Variants in PBX3 observed in about 807,000 individuals in gnomAD.
PBX3 encodes pre-B-cell leukemia transcription factor 3.
PBX3 carries 14 observed loss-of-function variants against 48.5 expected under a neutral mutation model. The observed-to-expected ratio is 0.29, with a 90% CI of 0.19 to 0.45. The LOEUF is 0.45. Ranked by LOEUF, PBX3 falls within the 20% of genes least tolerant of loss-of-function variation. The probability of loss-of-function intolerance (pLI) is 1.00; values close to 1 mark genes in which losing one functional copy is unlikely to be tolerated. For synonymous variants in PBX3, 210 were observed against 200.3 expected (o/e 1.05, Z -0.41); for missense variants, 386 against 546.7 (o/e 0.71, Z 2.93).
At chr9:125,883,798 A>G (rs1019463179) in intron 2 of PBX3, among the ~76,000 whole-genome samples, 2 of 152,232 alleles carry the variant, frequency 1.3e-5, no homozygotes, top group Non-Finnish European at 2.9e-5. Context: ...AACAGCATTT[A>G]TAGTACTAAT....
intron 2 of PBX3, among the ~76,000 whole-genome samples, chr9:125,806,954 C>A (rs542281451): frequency 6.6e-6 from 1 of 152,188 alleles, no homozygotes; most frequent in Non-Finnish European, 1.5e-5. Context: ...AAGACAGACT[C>A]CTAGGGGACA....
At chr9:125,895,945 T>C (rs532164912) in intron 2 of PBX3, among the ~76,000 whole-genome samples, 2 of 152,132 alleles carry the variant, frequency 1.3e-5, no homozygotes, top group African/African-American at 2.4e-5. Flanking sequence ...TGGACACATA[T>C]CATTTTCCTC....
intron 2 of PBX3, among the ~76,000 whole-genome samples, chr9:125,854,090 A>G (rs1378247589): frequency 3.3e-5 from 5 of 152,070 alleles, no homozygotes; most frequent in African/African-American, 1.2e-4. Flanking sequence ...GCTTTGCACC[A>G]ATATAGACCT....
rs138715518 is a variant in PBX3 at position 125,774,932 on chromosome 9, C to T, written c.274+26309C>T. Among the ~76,000 whole-genome samples the T allele has an allele frequency of 8.0e-4, 122 of 151,620 alleles. 1 individual carries two copies. Among genetic ancestry groups the T allele is most frequent in the African/African-American group, 2.7e-3 (111 of 41,300 alleles). The stretch of plus-strand genomic sequence containing the variant: ...TGTCACCCAGACTGGAGTATAGTGG[C>T]GCAACCTTACTGCAACCTCTGCTTC... On this transcript the variant is annotated intron_variant, in intron 2 of 8. Coordinates refer to ENST00000373489, the MANE Select transcript of PBX3 (RefSeq NM_006195.6).
At position 125,747,964 on chromosome 9, in the gene PBX3, G is replaced by A. The variant is rs562583273; in HGVS notation, c.200+311G>A. ...GATTTAAACCTCCCGCCCCGACCCC[G>A]TGCGGGCCGCGCCGCCGGGAAGTGT... On this transcript the variant is annotated intron_variant, in intron 1 of 8. Coordinates refer to ENST00000373489, the MANE Select transcript of PBX3 (RefSeq NM_006195.6). 2.5e-3 allele frequency among the ~76,000 whole-genome samples: 384 copies of A among 151,744 alleles called. 2 individuals are homozygous for A. Among genetic ancestry groups the A allele is most frequent in the African/African-American group, 8.8e-3 (364 of 41,426 alleles).
intron 2 of PBX3, among the ~76,000 whole-genome samples, chr9:125,862,627 A>T (rs1214163742): frequency 6.6e-6 from 1 of 152,034 alleles, no homozygotes; most frequent in Non-Finnish European, 1.5e-5. Flanking sequence ...CCTCGTGATC[A>T]GCCCGCCTTG....
At chr9:125,939,511 T>G (rs987312398) in intron 5 of PBX3, among the ~76,000 whole-genome samples, 2 of 152,182 alleles carry the variant, frequency 1.3e-5, no homozygotes, top group African/African-American at 4.8e-5. Context: ...TAAATTGATA[T>G]AGCCACTTTG....
At chr9:125,957,907 A>T (rs756521180) in intron 5 of PBX3, among the ~76,000 whole-genome samples, 1 of 152,244 alleles carries the variant, frequency 6.6e-6, no homozygotes, top group Non-Finnish European at 1.5e-5. Flanking sequence ...ATAATTATGT[A>T]TTAAAAGAGC....
chr9:125,799,374 G>C (rs1280320827), intron 2 of PBX3, among the ~76,000 whole-genome samples: 1 of 152,102 alleles, frequency 6.6e-6, no homozygotes, highest in Non-Finnish European at 1.5e-5. Context: ...GTGTGGTGGC[G>C]TGCACGCTGT....
At chr9:125,800,165 TGATA>T (rs1478252593) in intron 2 of PBX3, among the ~76,000 whole-genome samples, 6 of 152,192 alleles carry the variant, frequency 3.9e-5, no homozygotes, top group Non-Finnish European at 8.8e-5. Flanking sequence ...CTTACTGATC[TGATA>T]GAGAGATGTT....
intron 2 of PBX3, among the ~76,000 whole-genome samples, chr9:125,798,140 A>C (rs1837837524): frequency 1.3e-5 from 2 of 152,188 alleles, no homozygotes; most frequent in East Asian, 3.8e-4. Context: ...GCTAATAACA[A>C]ATAGTCATCT....
intron 2 of PBX3, among the ~76,000 whole-genome samples, chr9:125,791,163 G>A (rs369232897): frequency 2.6e-5 from 4 of 152,210 alleles, no homozygotes; most frequent in African/African-American, 4.8e-5. Context: ...TGATCCACCC[G>A]CCTTGGCCTC....
chr9:125,819,710 T>TG (rs1838591620), intron 2 of PBX3, among the ~76,000 whole-genome samples: 1 of 152,142 alleles, frequency 6.6e-6, no homozygotes, highest in Admixed American at 6.5e-5. Context: ...TATCCAGTGT[T>TG]TTATATATAT....
chr9:125,925,077 A>G (rs1321135424), intron 3 of PBX3, among the ~76,000 whole-genome samples: 1 of 152,228 alleles, frequency 6.6e-6, no homozygotes, highest in African/African-American at 2.4e-5. Context: ...GACACACGCA[A>G]TATTAAAGAC....
chr9:125,855,865 G>A (rs1252250694), intron 2 of PBX3, among the ~76,000 whole-genome samples: 1 of 152,048 alleles, frequency 6.6e-6, no homozygotes, highest in Non-Finnish European at 1.5e-5. Context: ...ACTGCAGCAA[G>A]CATTACAACT....
intron 2 of PBX3, among the ~76,000 whole-genome samples, chr9:125,863,729 C>T (rs1183341868): frequency 6.6e-6 from 1 of 152,154 alleles, no homozygotes. Flanking sequence ...TCACTGGTTA[C>T]TAGATGTTTC....
chr9:125,907,605 CAATG>C, intron 2 of PBX3, among the ~76,000 whole-genome samples: 1 of 152,136 alleles, frequency 6.6e-6, no homozygotes, highest in Middle Eastern at 3.4e-3. Context: ...TATTTACAGA[CAATG>C]AACCAGGGGA....
intron 2 of PBX3, among the ~76,000 whole-genome samples, chr9:125,772,788 T>C (rs957400545): frequency 7.2e-5 from 11 of 152,234 alleles, no homozygotes; most frequent in African/African-American, 2.7e-4. Flanking sequence ...TACTGGGGCA[T>C]GTGTTTGCAG....
At chr9:125,892,907 G>A (rs746546072) in intron 2 of PBX3, among the ~76,000 whole-genome samples, 11 of 152,170 alleles carry the variant, frequency 7.2e-5, no homozygotes, top group Non-Finnish European at 1.6e-4. Context: ...CTTTGGTTTG[G>A]CTTTAATGTC....
Sources: gnomAD v4.1 joint callset for allele counts (sites outside exome capture counted in the v4.1 genomes callset) on GRCh38, gnomAD v4.1.1 for gene constraint, MANE v1.5 for transcripts, NCBI Gene and HGNC (gene_info 2026-07-23, HGNC 2026-07-21) for gene names.